ARHGEF28: variants seen among roughly 807,000 people sequenced by gnomAD.
ARHGEF28 encodes Rho guanine nucleotide exchange factor 28, also known as 190 kDa guanine nucleotide exchange factor.
ARHGEF28 carries 152 observed loss-of-function variants against 206.6 expected under a neutral mutation model. The observed-to-expected ratio is 0.74, with a 90% confidence interval of 0.64 to 0.84. The LOEUF (loss-of-function observed/expected upper bound fraction) is 0.84, where lower values mean the gene tolerates loss of function less well. ARHGEF28 is among the 40% of genes least tolerant of loss of function. The pLI, the probability that ARHGEF28 is intolerant of heterozygous loss-of-function variation, is 0.00. For missense variants in ARHGEF28, 2,028 were observed against 2,073.2 expected (o/e 0.98, Z 0.42); for synonymous variants, 763 against 776.4 (o/e 0.98, Z 0.29).
intron 4 of ARHGEF28, among the ~76,000 whole-genome samples, chr5:73,769,201 A>ATG (rs565934703): frequency 3.3e-5 from 5 of 152,092 alleles, no homozygotes; most frequent in South Asian, 2.1e-4. Flanking sequence ...GTATATATAT[A>ATG]TGTGTGTGTG....
At chr5:73,733,752 G>A (rs1340863446) in intron 2 of ARHGEF28, among the ~76,000 whole-genome samples, 5 of 152,132 alleles carry the variant, frequency 3.3e-5, no homozygotes, top group African/African-American at 1.2e-4. Context: ...ATTAAGAAAT[G>A]AGATGAGGCG....
chr5:73,811,828 C>T (rs1755853798), intron 9 of ARHGEF28, among the ~76,000 whole-genome samples: 1 of 151,830 alleles, frequency 6.6e-6, no homozygotes, highest in South Asian at 2.1e-4. Context: ...ACTAAAAATA[C>T]AAAAATTAGC....
chr5:73,836,267 T>C (rs900381180), intron 10 of ARHGEF28, among the ~76,000 whole-genome samples: 3 of 151,636 alleles, frequency 2.0e-5, no homozygotes, highest in Non-Finnish European at 4.4e-5. Flanking sequence ...TTCCCAACAG[T>C]GTATAAGAAT....
At chr5:73,768,719 G>A (rs1455047177) in intron 4 of ARHGEF28, among the ~76,000 whole-genome samples, 1 of 152,092 alleles carries the variant, frequency 6.6e-6, no homozygotes, top group Non-Finnish European at 1.5e-5. Flanking sequence ...GCTGAAATGA[G>A]TTAAGACTTT....
At chr5:73,697,570 G>A (rs1397731135) in intron 2 of ARHGEF28, among the ~76,000 whole-genome samples, 1 of 152,048 alleles carries the variant, frequency 6.6e-6, no homozygotes. Flanking sequence ...GATAGCTCAG[G>A]TCTCTCTCCC....
chr5:73,899,278 C>T (rs1762132089), intron 30 of ARHGEF28: 2 of 152,194 alleles, frequency 1.3e-5, no homozygotes, highest in Admixed American at 6.5e-5. Context: ...GTGCAGGGAT[C>T]TGCTGAGGGA....
At position 73,830,423 on chromosome 5, in the gene ARHGEF28, G is replaced by A. The variant is rs186105628; in HGVS notation, c.1025-1915G>A. Among the ~76,000 whole-genome samples, 511 of 151,972 alleles carry A rather than the reference G, an allele frequency of 3.4e-3. 3 individuals carry two copies. Among genetic ancestry groups the A allele is most frequent in the South Asian group, 0.011 (55 of 4,794 alleles). On this transcript the variant is annotated intron_variant, in intron 9 of 35. Coordinates refer to ENST00000513042, the MANE Select transcript of ARHGEF28 (RefSeq NM_001177693.2). ...CAAAAAATTAACTGGGTGTGGTGGC[G>A]GGCACCTGTAGTCCTAGCAACTTAG...
At chr5:73,653,259 G>A (rs956597712) in intron 1 of ARHGEF28, among the ~76,000 whole-genome samples, 1 of 152,146 alleles carries the variant, frequency 6.6e-6, no homozygotes, top group African/African-American at 2.4e-5. Flanking sequence ...GCGATGTGAG[G>A]GGTTGATTTT....
intron 2 of ARHGEF28, among the ~76,000 whole-genome samples, chr5:73,719,860 T>C (rs1308719780): frequency 6.6e-6 from 1 of 152,256 alleles, no homozygotes; most frequent in Admixed American, 6.5e-5. Context: ...AATGGATTAC[T>C]AGTGTAATCG....
At chr5:73,767,079 C>G (rs1393307132) in intron 4 of ARHGEF28, among the ~76,000 whole-genome samples, 2 of 152,198 alleles carry the variant, frequency 1.3e-5, no homozygotes, top group Non-Finnish European at 2.9e-5. Flanking sequence ...TGCACAAGCT[C>G]TCTCTCTTGC....
intron 13 of ARHGEF28, 56 bp downstream of exon 13, chr5:73,849,143 C>T: frequency 8.0e-7 from 1 of 1,253,928 alleles, no homozygotes; most frequent in Non-Finnish European, 1.1e-6. Flanking sequence ...ACAGATTTTT[C>T]AGTTAGTATA....
At chr5:73,805,314 A>C (rs1272610131) in intron 9 of ARHGEF28, among the ~76,000 whole-genome samples, 1 of 152,090 alleles carries the variant, frequency 6.6e-6, no homozygotes, top group Non-Finnish European at 1.5e-5. Flanking sequence ...AATGTATGCA[A>C]ATTTAAGAAA....
intron 24 of ARHGEF28, among the ~76,000 whole-genome samples, chr5:73,885,561 C>G (rs1262454014): frequency 6.6e-6 from 1 of 150,692 alleles, no homozygotes; most frequent in African/African-American, 2.4e-5. Context: ...CCTGCAACCT[C>G]TACCTCCCAG....
At chr5:73,690,781 A>G (rs923282902) in intron 2 of ARHGEF28, among the ~76,000 whole-genome samples, 4 of 152,158 alleles carry the variant, frequency 2.6e-5, no homozygotes, top group African/African-American at 4.8e-5. Flanking sequence ...AAAACAGAAA[A>G]GTCTTGCTTG....
chr5:73,820,833 G>A, intron 9 of ARHGEF28, among the ~76,000 whole-genome samples: 1 of 152,080 alleles, frequency 6.6e-6, no homozygotes, highest in East Asian at 1.9e-4. Context: ...AGTGGCCCAG[G>A]GAAGCTGAGC....
At chr5:73,643,833 T>A (rs1286385389) in intron 1 of ARHGEF28, among the ~76,000 whole-genome samples, 5 of 132,622 alleles carry the variant, frequency 3.8e-5, no homozygotes, top group Middle Eastern at 3.5e-3. Flanking sequence ...AAAAAAAAAA[T>A]TCACTGCATT....
chr5:73,824,525 G>A (rs1024063620), intron 9 of ARHGEF28, among the ~76,000 whole-genome samples: 1 of 151,306 alleles, frequency 6.6e-6, no homozygotes, highest in Non-Finnish European at 1.5e-5. Context: ...GCTGGAGTGC[G>A]GTAGCATGAT....
chr5:73,905,020 A>G (rs912764824), intron 33 of ARHGEF28: 1 of 152,378 alleles, frequency 6.6e-6, no homozygotes, highest in Non-Finnish European at 1.5e-5. Context: ...AAATGGTTGG[A>G]TGATCCCTTA....
intron 9 of ARHGEF28, among the ~76,000 whole-genome samples, chr5:73,816,282 G>A (rs566522231): frequency 6.6e-6 from 1 of 152,216 alleles, no homozygotes; most frequent in African/African-American, 2.4e-5. Flanking sequence ...TTATCCTGAT[G>A]GCCAGTTTGT....
Sources: allele counts gnomAD v4.1 joint callset (sites outside exome capture counted in the v4.1 genomes callset), GRCh38; gene constraint gnomAD v4.1.1; transcripts MANE v1.5; gene names NCBI Gene and HGNC (gene_info 2026-07-23, HGNC 2026-07-21).